Variants in RTL4 observed in about 807,000 individuals in gnomAD.
RTL4 encodes retrotransposon Gag like 4, also known as retrotransposon Gag-like protein 4.
A neutral mutation model predicts 5.3 loss-of-function variants in RTL4; 4 were observed. The ratio of observed to expected loss-of-function variants is 0.75; its 90% confidence interval spans 0.37 to 1.72. The LOEUF (loss-of-function observed/expected upper bound fraction) is 1.72, where lower values mean the gene tolerates loss of function less well. Ranked by LOEUF, RTL4 falls within the 40% of genes most tolerant of loss-of-function variation. The pLI is 0.04. For missense variants in RTL4, 260 were observed against 227.1 expected (o/e 1.14, Z -0.93); for synonymous variants, 98 against 87.3 (o/e 1.12, Z -0.68).
chrX:112,102,809 G>C, the RTL4 span, among the ~76,000 whole-genome samples: 14 of 111,633 alleles, frequency 1.3e-4, no homozygotes, highest in Non-Finnish European at 2.1e-4. Context: ...ACATATATGT[G>C]GACAACAAAC....
At chrX:112,108,298 TGCATCTCTATTTTTAGGGTC>T in the RTL4 span, among the ~76,000 whole-genome samples, 1 of 112,363 alleles carries the variant, frequency 8.9e-6, no homozygotes, top group East Asian at 2.8e-4. Context: ...TAGCAGTTTA[TGCATCTCTATTTTTAGGGTC>T]AGTCACTGAT....
At chrX:112,229,943 C>T in the RTL4 span, among the ~76,000 whole-genome samples, 75 of 112,312 alleles carry the variant, frequency 6.7e-4, 2 homozygotes, top group East Asian at 0.011. Flanking sequence ...GCCCCTACTG[C>T]GGGGTGCCTC....
chrX:112,450,233 G>A (rs746160412), upstream of RTL4, among the ~76,000 whole-genome samples: 4 of 112,454 alleles, frequency 3.6e-5, no homozygotes, highest in South Asian at 3.7e-4. Flanking sequence ...TTTTATGTTC[G>A]AGGAAACTGT....
chrX:112,446,035 C>A, the RTL4 span, among the ~76,000 whole-genome samples: 2 of 111,247 alleles, frequency 1.8e-5, no homozygotes, highest in Non-Finnish European at 3.8e-5. Context: ...AAGGTTGCAG[C>A]AGCTGCTGCT....
the RTL4 span, among the ~76,000 whole-genome samples, chrX:112,092,306 C>G: frequency 3.6e-5 from 4 of 111,658 alleles, no homozygotes; most frequent in Admixed American, 3.8e-4. Flanking sequence ...CATTTGCTTG[C>G]TTTTGGGTTT....
chrX:112,156,390 A>G, the RTL4 span, among the ~76,000 whole-genome samples: 1 of 112,693 alleles, frequency 8.9e-6, no homozygotes, highest in African/African-American at 3.2e-5. Flanking sequence ...CCTTCTGCTA[A>G]CAGATATCAA....
the RTL4 span, among the ~76,000 whole-genome samples, chrX:112,098,997 C>G: frequency 2.7e-5 from 3 of 111,928 alleles, no homozygotes; most frequent in Non-Finnish European, 3.8e-5. Context: ...GTCTAAAACA[C>G]CAAAAGCAAT....
chrX:112,302,353 G>A, the RTL4 span, among the ~76,000 whole-genome samples: 28 of 110,720 alleles, frequency 2.5e-4, no homozygotes, highest in Admixed American at 4.8e-4. Flanking sequence ...TGTGATATTA[G>A]CCAAGTTCCT....
chrX:112,125,319 A>G, the RTL4 span, among the ~76,000 whole-genome samples: 9 of 111,728 alleles, frequency 8.1e-5, no homozygotes, highest in Admixed American at 8.5e-4. Context: ...TTGAAGATGT[A>G]CTGTTCTGCT....
the RTL4 span, among the ~76,000 whole-genome samples, chrX:112,246,841 G>A: frequency 3.4e-4 from 38 of 111,177 alleles, no homozygotes; most frequent in South Asian, 7.6e-4. Context: ...GTTCCTATTC[G>A]GCCATCTTGG....
chrX:112,131,898 A>G, the RTL4 span, among the ~76,000 whole-genome samples: 1 of 112,061 alleles, frequency 8.9e-6, no homozygotes, highest in African/African-American at 3.2e-5. Context: ...CCCTACTATT[A>G]TGTTCCTGTT....
chrX:112,174,554 GTCTT>G, the RTL4 span, among the ~76,000 whole-genome samples: 20 of 104,846 alleles, frequency 1.9e-4, no homozygotes, highest in African/African-American at 6.6e-4. Context: ...ATGTGCATGT[GTCTT>G]TATAGCAGCA....
the RTL4 span, among the ~76,000 whole-genome samples, chrX:112,265,126 CT>C: frequency 8.9e-6 from 1 of 112,925 alleles, no homozygotes; most frequent in African/African-American, 3.2e-5. Flanking sequence ...TGGCAGTGCT[CT>C]GCAGGGGATA....
chrX:112,329,387 G>C, the RTL4 span, among the ~76,000 whole-genome samples: 1 of 111,458 alleles, frequency 9.0e-6, no homozygotes, highest in Admixed American at 9.5e-5. Context: ...ATACCTCTAC[G>C]CAAATAAACT....
At chrX:112,086,008 G>A in the RTL4 span, among the ~76,000 whole-genome samples, 9,477 of 111,136 alleles carry the variant, frequency 0.085, 763 homozygotes, top group African/African-American at 0.25. Context: ...CATAATCCCA[G>A]CCTTCAGTAT....
the RTL4 span, among the ~76,000 whole-genome samples, chrX:112,445,995 G>T: frequency 9.0e-6 from 1 of 111,522 alleles, no homozygotes; most frequent in South Asian, 3.8e-4. Flanking sequence ...CAATGAAAAG[G>T]AAGAGTTCTA....
At chrX:112,127,775 C>T in the RTL4 span, among the ~76,000 whole-genome samples, 1 of 111,843 alleles carries the variant, frequency 8.9e-6, no homozygotes, top group Admixed American at 9.5e-5. Flanking sequence ...TGTATACCCA[C>T]ACTAAGCAAT....
chrX:112,117,643 T>TA, the RTL4 span, among the ~76,000 whole-genome samples: 1 of 111,294 alleles, frequency 9.0e-6, no homozygotes, highest in Admixed American at 9.5e-5. Flanking sequence ...TGTATTTTTT[T>TA]AAAAAAAGAC....
At chrX:112,096,845 T>C in the RTL4 span, among the ~76,000 whole-genome samples, 1 of 112,247 alleles carries the variant, frequency 8.9e-6, no homozygotes, top group Non-Finnish European at 1.9e-5. Context: ...GAGGGTACAA[T>C]TGGAAGATGC....
Sources: allele counts gnomAD v4.1 joint callset (sites outside exome capture counted in the v4.1 genomes callset), GRCh38; gene constraint gnomAD v4.1.1; transcripts MANE v1.5; gene names NCBI Gene and HGNC (gene_info 2026-07-23, HGNC 2026-07-21).